The following KDM4C variants were observed in gnomAD, a reference collection of about 807,000 sequenced individuals.
KDM4C encodes the protein lysine-specific demethylase 4C.
KDM4C carries 81 observed loss-of-function variants against 129.3 expected under a neutral mutation model. The observed-to-expected ratio is 0.63, with a 90% confidence interval of 0.52 to 0.75. The LOEUF (loss-of-function observed/expected upper bound fraction) is 0.75. Among genes scored for constraint, KDM4C ranks in the 30% least tolerant of loss-of-function variants. KDM4C has a pLI of 0.00. For synonymous variants in KDM4C, 573 were observed against 456.1 expected (o/e 1.26, Z -3.26); for missense variants, 1,457 against 1,304.0 (o/e 1.12, Z -1.81).
intron 3 of KDM4C, among the ~76,000 whole-genome samples, chr9:6,810,095 C>T (rs1322949986): frequency 6.6e-6 from 1 of 152,180 alleles, no homozygotes. Flanking sequence ...AAGACTTGAG[C>T]CTTGAAGTTC....
At chr9:6,927,880 G>C (rs1822927589) in intron 8 of KDM4C, among the ~76,000 whole-genome samples, 2 of 152,156 alleles carry the variant, frequency 1.3e-5, no homozygotes, top group Admixed American at 1.3e-4. Flanking sequence ...CACTGAAACT[G>C]CTGTAATCAT....
intron 12 of KDM4C, among the ~76,000 whole-genome samples, chr9:6,994,020 G>A (rs928465687): frequency 6.6e-6 from 1 of 152,078 alleles, no homozygotes; most frequent in African/African-American, 2.4e-5. Flanking sequence ...TTTTTCCATG[G>A]ATGGGGCAGG....
chr9:7,036,056 AT>A (rs1206907010), intron 15 of KDM4C, among the ~76,000 whole-genome samples: 1 of 152,134 alleles, frequency 6.6e-6, no homozygotes, highest in Non-Finnish European at 1.5e-5. Context: ...ATTGCATTGA[AT>A]CTGTAGATTG....
At chr9:7,085,406 A>G (rs956736567) in intron 17 of KDM4C, among the ~76,000 whole-genome samples, 2 of 152,232 alleles carry the variant, frequency 1.3e-5, no homozygotes, top group African/African-American at 4.8e-5. Flanking sequence ...TGTTTCTAAT[A>G]AAATCTAATT....
At chr9:7,162,258 T>A (rs1274810516) in intron 19 of KDM4C, among the ~76,000 whole-genome samples, 1 of 152,196 alleles carries the variant, frequency 6.6e-6, no homozygotes, top group African/African-American at 2.4e-5. Flanking sequence ...GCAAGAAGAT[T>A]GAGAAAGCAA....
At chr9:7,039,465 T>C (rs910161842) in intron 15 of KDM4C, among the ~76,000 whole-genome samples, 1 of 151,960 alleles carries the variant, frequency 6.6e-6, no homozygotes, top group Non-Finnish European at 1.5e-5. Context: ...AATATACTTA[T>C]TTTTAAAAAC....
intron 17 of KDM4C, among the ~76,000 whole-genome samples, chr9:7,056,724 A>C (rs1016692647): frequency 1.1e-4 from 16 of 152,246 alleles, no homozygotes; most frequent in African/African-American, 3.6e-4. Context: ...GTGGGACTTC[A>C]GATAATTCAT....
In KDM4C at chr9:6,758,328, C is replaced by A; in HGVS notation, c.-18+125C>A. ...GTCCGGGCGAGCGGCGACGCTGGGGCAGAGACGCTCCGTCCGTGACTGCAG... is the reference window on the plus strand; with the variant it reads ...GTCCGGGCGAGCGGCGACGCTGGGGAAGAGACGCTCCGTCCGTGACTGCAG... On this transcript the variant is annotated intron_variant, in intron 1 of 21. Coordinates refer to ENST00000381309, the MANE Select transcript of KDM4C (RefSeq NM_015061.6). This position sits in a 1 kb window ranked among gnomAD's most constrained non-coding sequence, Gnocchi z 4.6. 3 of 475,900 alleles carry A rather than the reference C, an allele frequency of 6.3e-6. No homozygotes were observed. Among genetic ancestry groups the A allele is most frequent in the Non-Finnish European group, 8.2e-6 (3 of 364,026 alleles). 29.5% of individuals were successfully genotyped at this position (475,900 alleles called of 1,614,324 possible).
At chr9:6,891,169 G>T (rs1846068887) in intron 7 of KDM4C, among the ~76,000 whole-genome samples, 2 of 152,184 alleles carry the variant, frequency 1.3e-5, no homozygotes, top group Non-Finnish European at 2.9e-5. Flanking sequence ...GGTTAGGGAT[G>T]AGGGAGCGCT....
At chr9:7,017,450 A>G (rs1325727209) in intron 15 of KDM4C, among the ~76,000 whole-genome samples, 1 of 152,142 alleles carries the variant, frequency 6.6e-6, no homozygotes, top group African/African-American at 2.4e-5. Flanking sequence ...TTACCTTACT[A>G]CTTTCCTGCA....
rs752545881 is a variant in KDM4C, at chr9:6,805,733, G to A, written c.279G>A (p.Ala93=). Reference sequence around the variant, plus strand: ...CTCAGTACAACATCCAGAAAAAAGCGATGACTGTGAAGGAGTTCAGGCAGC... The same window carrying A: ...CTCAGTACAACATCCAGAAAAAAGCAATGACTGTGAAGGAGTTCAGGCAGC... ...LFTQYNIQKK[A]MTVKEFRQLA... The change falls in exon 3 of 22, where the codon GCG becomes GCA. Residue 93 remains alanine, a synonymous_variant. Coordinates refer to ENST00000381309, the MANE Select transcript of KDM4C (RefSeq NM_015061.6). 10 of 1,613,898 alleles carry A rather than the reference G, an allele frequency of 6.2e-6. No individual in the cohort carries two copies. Among genetic ancestry groups the A allele is most frequent in the African/African-American group, 2.7e-5 (2 of 74,930 alleles).
chr9:7,019,811 T>G (rs1239304349), intron 15 of KDM4C, among the ~76,000 whole-genome samples: 1 of 112,206 alleles, frequency 8.9e-6, no homozygotes, highest in Non-Finnish European at 2.0e-5. Flanking sequence ...AGACATCTTA[T>G]TATTTCACCC....
At chr9:7,132,718 G>A (rs1840776648) in intron 19 of KDM4C, among the ~76,000 whole-genome samples, 1 of 152,162 alleles carries the variant, frequency 6.6e-6, no homozygotes, top group African/African-American at 2.4e-5. Context: ...GTCTCTGTTA[G>A]CCTCTGCCAA....
intron 5 of KDM4C, among the ~76,000 whole-genome samples, chr9:6,867,199 A>G (rs961741657): frequency 1.4e-4 from 21 of 151,836 alleles, no homozygotes; most frequent in Non-Finnish European, 2.9e-5. Context: ...GTATTTTAGT[A>G]GAGACGGGGT....
At chr9:6,923,345 A>C (rs797020404) in intron 8 of KDM4C, among the ~76,000 whole-genome samples, 7 of 152,036 alleles carry the variant, frequency 4.6e-5, no homozygotes, top group African/African-American at 1.7e-4. Context: ...TTGTAGTTGC[A>C]GTTTCCGTTT....
chr9:7,065,141 A>G (rs4742299), intron 17 of KDM4C, among the ~76,000 whole-genome samples: 27,356 of 152,138 alleles, frequency 0.18, 3,002 homozygotes, highest in South Asian at 0.42. Flanking sequence ...ACTACACAGA[A>G]TTTTGTCAAA....
intron 1 of KDM4C, among the ~76,000 whole-genome samples, chr9:6,760,455 A>ATATATATATATG (rs1358131878): frequency 1.3e-5 from 2 of 150,272 alleles, no homozygotes; most frequent in African/African-American, 4.9e-5. Flanking sequence ...GTATATATAT[A>ATATATATATATG]TATATATATA....
Position 7,011,840 on chromosome 9 carries a change from A to G in KDM4C, c.1929A>G (p.Pro643=), listed in dbSNP as rs201662492. Residue 643 remains proline (P), a synonymous_variant, in exon 13 of 22, where the codon CCA becomes CCG. Transcript: ENST00000381309. ...EYNATVARMK[P]HCAICTLLMP... is the part of the protein sequence containing the mutation. The stretch of plus-strand genomic sequence containing the variant: ...ATGCAACAGTGGCCAGGATGAAGCC[A>G]CACTGTGCCATCTGCACTCTGCTCA... 1.8e-4 allele frequency: 287 copies of G among 1,614,068 alleles called. No homozygotes were observed. The highest frequency in any genetic ancestry group is 2.3e-4 in the Non-Finnish European group (269 of 1,179,984).
chr9:7,152,968 A>G (rs1842851709), intron 19 of KDM4C, among the ~76,000 whole-genome samples: 1 of 152,198 alleles, frequency 6.6e-6, no homozygotes, highest in African/African-American at 2.4e-5. Flanking sequence ...ACAGGGAAAA[A>G]ACTCCAAATG....
Sources: allele counts gnomAD v4.1 joint callset (sites outside exome capture counted in the v4.1 genomes callset), GRCh38; gene constraint gnomAD v4.1.1; non-coding constraint Gnocchi (gnomAD v3.1); transcripts MANE v1.5; gene names NCBI Gene and HGNC (gene_info 2026-07-23, HGNC 2026-07-21).